ERC1: variants seen among roughly 807,000 people sequenced by gnomAD.
The protein encoded by ERC1 is ELKS/RAB6-interacting/CAST family member 1, also known as RAB6 interacting protein 2.
A neutral mutation model predicts 132.0 loss-of-function variants in ERC1; 56 were observed. The ratio of observed to expected loss-of-function variants is 0.42; its 90% CI spans 0.34 to 0.53. The LOEUF (loss-of-function observed/expected upper bound fraction) is 0.53. ERC1 is among the 20% of genes least tolerant of loss of function. The pLI is 0.03. For synonymous variants in ERC1, 478 were observed against 476.1 expected (o/e 1.00, Z -0.05); for missense variants, 1,202 against 1,349.9 (o/e 0.89, Z 1.72).
intron 16 of ERC1, among the ~76,000 whole-genome samples, chr12:1,394,455 A>G (rs1221750858): frequency 1.3e-5 from 2 of 152,184 alleles, no homozygotes; most frequent in Admixed American, 6.5e-5. Flanking sequence ...TGGCCTCTGT[A>G]TCTGTAAAAT....
chr12:1,208,656 CTA>C (rs1401824832), intron 12 of ERC1, among the ~76,000 whole-genome samples: 1 of 152,150 alleles, frequency 6.6e-6, no homozygotes, highest in South Asian at 2.1e-4. Context: ...GCATGCAGCT[CTA>C]TCTCTTATTT....
intron 1 of ERC1, among the ~76,000 whole-genome samples, chr12:1,002,314 C>T (rs987518240): frequency 6.6e-6 from 1 of 150,584 alleles, no homozygotes; most frequent in Non-Finnish European, 1.5e-5. Flanking sequence ...ACTGGGACTA[C>T]AGGTGCATAC....
chr12:1,309,211 C>T (rs1194071863), intron 15 of ERC1, among the ~76,000 whole-genome samples: 1 of 152,142 alleles, frequency 6.6e-6, no homozygotes, highest in Non-Finnish European at 1.5e-5. Flanking sequence ...AACTCAATTT[C>T]GAAGAGATGG....
chr12:1,098,804 A>G (rs1944347108), intron 3 of ERC1, among the ~76,000 whole-genome samples: 2 of 152,208 alleles, frequency 1.3e-5, no homozygotes, highest in South Asian at 2.1e-4. Context: ...TGTATTTTAA[A>G]CCATGTAGTA....
intron 12 of ERC1, among the ~76,000 whole-genome samples, chr12:1,218,654 A>G (rs1958649806): frequency 6.6e-6 from 1 of 151,988 alleles, no homozygotes; most frequent in Non-Finnish European, 1.5e-5. Flanking sequence ...ACCTTTCAGC[A>G]TCATTCTACA....
rs1183679997 is a variant in ERC1, at chr12:1,493,372, C to T, written c.*3142C>T. The T allele has an allele frequency of 3.5e-5, 6 of 173,620 alleles. No individual in the cohort carries two copies. Among genetic ancestry groups the T allele is most frequent in the East Asian group, 9.9e-5 (1 of 10,132 alleles). 10.8% of individuals were successfully genotyped at this position (173,620 alleles called of 1,614,324 possible). A position where few individuals can be genotyped will look rare whatever the true frequency, so the allele number is the denominator to read the frequency against. ...AGCCTGGCCAAGATGGCAAAAACCC[C>T]GACTCTACTAAAAATACAAAATTAG... On this transcript the variant is annotated 3_prime_UTR_variant, in exon 19 of 19. Coordinates refer to ENST00000360905, the MANE Select transcript of ERC1 (RefSeq NM_178040.4).
chr12:1,218,814 A>G (rs866550900), intron 12 of ERC1, among the ~76,000 whole-genome samples: 1 of 145,962 alleles, frequency 6.9e-6, no homozygotes, highest in Non-Finnish European at 1.5e-5. Context: ...TCTCAGTCCT[A>G]TTCTCATATA....
chr12:1,398,567 C>T (rs1041605193), intron 16 of ERC1, among the ~76,000 whole-genome samples: 3 of 152,298 alleles, frequency 2.0e-5, no homozygotes, highest in African/African-American at 7.2e-5. Flanking sequence ...TTTCCTATCT[C>T]TGACTGAACC....
Position 1,490,729 on chromosome 12 carries a change from A to G in ERC1, c.*499A>G. ...ATCTCAAAAAGATTAGAAAAAGAGA[A>G]GGGGGGAAGGGAAGAGAAAATCGAC... On this transcript the variant is annotated 3_prime_UTR_variant, in exon 19 of 19. Coordinates refer to ENST00000360905, the MANE Select transcript of ERC1 (RefSeq NM_178040.4). The G allele has an allele frequency of 1.0e-5, 2 of 196,408 alleles. No homozygotes were observed. Among genetic ancestry groups the G allele is most frequent in the African/African-American group, 4.6e-5 (2 of 43,026 alleles). 12.2% of individuals were successfully genotyped at this position (196,408 alleles called of 1,614,324 possible). A position where few individuals can be genotyped will look rare whatever the true frequency, so the allele number is the denominator to read the frequency against.
chr12:1,024,062 C>A (rs1016227819), intron 1 of ERC1, among the ~76,000 whole-genome samples: 3 of 152,090 alleles, frequency 2.0e-5, no homozygotes, highest in Non-Finnish European at 2.9e-5. Context: ...AGATGAGATA[C>A]GTAAATTTGA....
chr12:1,459,308 TGG>T (rs2093601764), intron 18 of ERC1, among the ~76,000 whole-genome samples: 1 of 152,218 alleles, frequency 6.6e-6, no homozygotes. Flanking sequence ...CTGAACCTCA[TGG>T]CTATATATAT....
At chr12:1,139,579 G>A (rs1332313163) in intron 7 of ERC1, among the ~76,000 whole-genome samples, 1 of 152,034 alleles carries the variant, frequency 6.6e-6, no homozygotes. Context: ...TGGGGGTCTT[G>A]GATTATATTC....
intron 8 of ERC1, among the ~76,000 whole-genome samples, chr12:1,160,720 C>T (rs1189775691): frequency 6.6e-6 from 1 of 152,030 alleles, no homozygotes; most frequent in Non-Finnish European, 1.5e-5. Context: ...AAAAAAAAAT[C>T]AAATCTAAGA....
chr12:1,360,063 T>C lies in ERC1; in HGVS notation c.2781-11770T>C, dbSNP rs558296414. On this transcript the variant is annotated intron_variant, in intron 15 of 18. Coordinates refer to ENST00000360905, the MANE Select transcript of ERC1 (RefSeq NM_178040.4). Reference sequence around the variant, plus strand: ...AATACCAAATGAGCAGACATTGTCGTAACTAGGTACTCCCTTCTCCTCTGG... The same window carrying C: ...AATACCAAATGAGCAGACATTGTCGCAACTAGGTACTCCCTTCTCCTCTGG... Among the ~76,000 whole-genome samples the C allele has an allele frequency of 2.0e-5, 3 of 152,358 alleles. No individual in the cohort carries two copies. The South Asian group carries it at 6.2e-4, about 32-fold the overall frequency.
intron 15 of ERC1, among the ~76,000 whole-genome samples, chr12:1,346,948 C>CAAA (rs58842053): frequency 3.8e-5 from 4 of 106,082 alleles, no homozygotes; most frequent in African/African-American, 1.2e-4. Flanking sequence ...GACTCCGTCT[C>CAAA]AAAAAAAAAA....
intron 8 of ERC1, among the ~76,000 whole-genome samples, chr12:1,143,251 T>G (rs1206799450): frequency 6.6e-6 from 1 of 151,962 alleles, no homozygotes. Flanking sequence ...CAGGCTGGTC[T>G]CAAACTCCTG....
chr12:1,484,106 C>T (rs1308838539), intron 18 of ERC1, among the ~76,000 whole-genome samples: 11 of 149,636 alleles, frequency 7.4e-5, no homozygotes, highest in African/African-American at 2.2e-4. Flanking sequence ...GAGATCAAGA[C>T]CTTCCTGGCT....
Position 1,197,753 on chromosome 12 carries a change from A to G in ERC1, c.2351+7701A>G, listed in dbSNP as rs149146142. 2.4e-3 allele frequency among the ~76,000 whole-genome samples: 359 copies of G among 152,346 alleles called. 1 individual carries two copies. The highest frequency in any genetic ancestry group is 8.2e-3 in the African/African-American group (342 of 41,578). On this transcript the variant is annotated intron_variant, in intron 12 of 18. Transcript: ENST00000360905. ...TCTATAGCTTGTCTAATAGCTAGAA[A>G]TTCCAGTGATGAAATTTTAGTTCCT... is the stretch of plus-strand genomic sequence containing the variant.
intron 2 of ERC1, among the ~76,000 whole-genome samples, chr12:1,071,985 CG>C (rs1345941451): frequency 6.6e-6 from 1 of 151,870 alleles, no homozygotes; most frequent in African/African-American, 2.4e-5. Context: ...CCTGTAATCT[CG>C]GCTACTTGGG....
Sources: gnomAD v4.1 joint callset for allele counts (sites outside exome capture counted in the v4.1 genomes callset) on GRCh38, gnomAD v4.1.1 for gene constraint, MANE v1.5 for transcripts, NCBI Gene and HGNC (gene_info 2026-07-23, HGNC 2026-07-21) for gene names.